LILRB2: variants seen among roughly 807,000 people sequenced by gnomAD.
LILRB2 encodes leukocyte immunoglobulin like receptor B2, also known as leukocyte immunoglobulin-like receptor subfamily B member 2.
In LILRB2, 47 loss-of-function variants were observed where a neutral mutation model predicts 72.7. The observed-to-expected ratio is 0.65, with a 90% CI of 0.51 to 0.82. The LOEUF (loss-of-function observed/expected upper bound fraction) is 0.82. LILRB2 is among the 40% of genes least tolerant of loss of function. The pLI is 0.00. For missense variants in LILRB2, 767 were observed against 764.8 expected (o/e 1.00, Z -0.03); for synonymous variants, 279 against 313.7 (o/e 0.89, Z 1.17).
At position 54,276,092 on chromosome 19, in the gene LILRB2, G is replaced by T. The variant is rs1177891457; in HGVS notation, c.1595-89C>A. On this transcript the variant is annotated intron_variant, in intron 12 of 13. Coordinates refer to ENST00000314446, the MANE Select transcript of LILRB2 (RefSeq NM_001080978.4). ...AGCCCCTGCCCTGCTCCCAGATGGG[G>T]CTACTGAGATGCAGGGAGGGGCTGC... 107 of 1,573,902 alleles carry T rather than the reference G, an allele frequency of 6.8e-5. 1 individual carries two copies. The South Asian group carries it at 9.6e-4, about 14-fold the overall frequency.
chr19:54,277,439 G>T, intron 9 of LILRB2, 111 bp downstream of exon 9: 1 of 1,479,896 alleles, frequency 6.8e-7, no homozygotes, highest in South Asian at 1.2e-5. Flanking sequence ...GGCCCAGGCA[G>T]GGGAGGAGCC....
rs555575148 is a variant in LILRB2 at position 54,277,071 on chromosome 19, C to G, written c.1358-142G>C. The G allele has an allele frequency of 9.4e-3, 14,134 of 1,501,362 alleles. 121 individuals are homozygous for G. The highest frequency in any genetic ancestry group is 9.7e-3 in the Non-Finnish European group (10,666 of 1,104,442). 93.0% of individuals were successfully genotyped at this position (1,501,362 alleles called of 1,614,324 possible). ...CACACAAACATCCACCCCACCCACT[C>G]TACAGATGAAAAACTGACGCTCAGA... is the stretch of plus-strand genomic sequence containing the variant. On this transcript the variant is annotated intron_variant, in intron 9 of 13. Transcript: ENST00000314446.
chr19:54,279,725 G>A (rs2147787490), intron 4 of LILRB2, 66 bp downstream of exon 4: 1 of 1,607,486 alleles, frequency 6.2e-7, no homozygotes, highest in Non-Finnish European at 8.5e-7. Flanking sequence ...GTGAGAGGGA[G>A]ACACCCCTGA....
At chr19:54,275,709 G>A (rs373253508) in intron 13 of LILRB2, 9 of 650,046 alleles carry the variant, frequency 1.4e-5, no homozygotes, top group East Asian at 6.5e-5. Context: ...CCTGGGGAGC[G>A]CTCTAACAAC....
intron 9 of LILRB2, 30 bp from the exon 10 acceptor site, chr19:54,276,959 T>C: frequency 6.2e-7 from 1 of 1,600,730 alleles, no homozygotes; most frequent in South Asian, 1.1e-5. Flanking sequence ...GGGATGGGGG[T>C]GATGTCATTG....
At chr19:54,280,201 A>T (rs1464769922) in intron 3 of LILRB2, 63 bp downstream of exon 3, 4 of 1,613,052 alleles carry the variant, frequency 2.5e-6, no homozygotes, top group Non-Finnish European at 3.4e-6. Context: ...CCCCAGCTGC[A>T]CGGAGGTGGC....
Position 54,277,928 on chromosome 19 carries a change from C to A in LILRB2, c.1270G>T (p.Gly424Cys), listed in dbSNP as rs865925488. 6 of 1,532,860 alleles carry A rather than the reference C, an allele frequency of 3.9e-6. No homozygotes were observed. Among genetic ancestry groups the A allele is most frequent in the Admixed American group, 2.1e-5 (1 of 47,378 alleles). 95.0% of individuals were successfully genotyped at this position (1,532,860 alleles called of 1,614,324 possible). Residue 424 changes from glycine to cysteine, a missense_variant, in exon 8 of 14, where the codon GGT becomes TGT. Gly to Cys is a radical substitution (Grantham distance 159, BLOSUM62 -3). This residue lies in a region of LILRB2 where 599 missense variants were observed against 568.2 expected (regional missense o/e 1.05). Transcript: ENST00000314446. ...GGACCGGTGGGTGGGGGGCTGGAACCCATGGAGGGTCCTGGGTGAAAGAAT... is the reference window on the plus strand; with the variant it reads ...GGACCGGTGGGTGGGGGGCTGGAACACATGGAGGGTCCTGGGTGAAAGAAT... Reference protein sequence around the residue: ...LELVVSGPSMGSSPPPTGPIS... With the variant: ...LELVVSGPSMCSSPPPTGPIS...
intron 9 of LILRB2, 155 bp downstream of exon 9, chr19:54,277,395 G>C: frequency 7.8e-7 from 1 of 1,283,346 alleles, no homozygotes; most frequent in Non-Finnish European, 1.1e-6. Flanking sequence ...TTTCCCACCT[G>C]CAGGCCTCTC....
At position 54,275,487 on chromosome 19, in the gene LILRB2, G is replaced by A. The variant is rs552503664; in HGVS notation, c.1647+464C>T. 2.9e-5 allele frequency: 15 copies of A among 517,316 alleles called. No homozygotes were observed. The East Asian group carries it at 4.4e-4, about 15-fold the overall frequency. 32.0% of individuals were successfully genotyped at this position (517,316 alleles called of 1,614,324 possible). A position where few individuals can be genotyped will look rare whatever the true frequency, so the allele number is the denominator to read the frequency against. ...CCCTGGTGTATGTTCCTTTAAGCAC[G>A]TTGCACTCCTGGACATGGCGCATTT... On this transcript the variant is annotated intron_variant, in intron 13 of 13. Transcript: ENST00000314446.
In LILRB2 at chr19:54,278,407, T is replaced by G; in HGVS notation, c.1111A>C (p.Ile371Leu). The G allele has an allele frequency of 6.2e-7, 1 of 1,614,142 alleles. No homozygotes were observed. The highest frequency in any genetic ancestry group is 8.5e-7 in the Non-Finnish European group (1 of 1,179,994). The stretch of plus-strand genomic sequence containing the variant: ...GCCTGGTACTTAGGATATTCGTGTA[T>G]TGATCTTAGACGGAGTGGGGCATCA... ...AADAPLRLRS[I>L]HEYPKYQAEF... The change falls in exon 7 of 14, where the codon ATA becomes CTA. Residue 371 changes from isoleucine (I) to leucine (L), a missense_variant. Transcript: ENST00000314446.
chr19:54,276,841 G>A lies in LILRB2; in HGVS notation c.1446C>T (p.Leu482=), dbSNP rs1230169782. ...LLLLLLLFLI[L]RHRRQGKHWT... ...AGTGTTTGCCCTGACGTCGATGTCG[G>A]AGGATGAGGAAGAGGAGGAGGAGGA... Residue 482 remains leucine, a synonymous_variant, in exon 10 of 14, where the codon CTC becomes CTT. Coordinates refer to ENST00000314446, the MANE Select transcript of LILRB2 (RefSeq NM_001080978.4). The A allele has an allele frequency of 2.5e-6, 4 of 1,614,018 alleles. No individual in the cohort carries two copies. The highest frequency in any genetic ancestry group is 3.4e-6 in the Non-Finnish European group (4 of 1,179,942).
chr19:54,279,837 G>A lies in LILRB2; in HGVS notation c.309C>T (p.Arg103=), dbSNP rs541426329. The A allele has an allele frequency of 1.5e-5, 24 of 1,614,142 alleles. No homozygotes were observed. The highest frequency in any genetic ancestry group is 6.7e-5 in the Admixed American group (4 of 60,026). ...GGTCACTGAGCTCAGACCACCGAGCGCGGCTGTAATACTGACAGCCATATC... is the reference window on the plus strand; with the variant it reads ...GGTCACTGAGCTCAGACCACCGAGCACGGCTGTAATACTGACAGCCATATC... The part of the protein sequence containing the change: ...TGRYGCQYYS[R]ARWSELSDPL... The change falls in exon 4 of 14, where the codon CGC becomes CGT. Residue 103 remains arginine (R), a synonymous_variant. Transcript: ENST00000314446.
chr19:54,280,172 C>T (rs541474220), intron 3 of LILRB2, 92 bp downstream of exon 3: 1 of 1,612,014 alleles, frequency 6.2e-7, no homozygotes, highest in African/African-American at 1.3e-5. Context: ...TCAGTCAGTC[C>T]AGAACTTCTA....
intron 5 of LILRB2, 26 bp from the exon 6 acceptor site, chr19:54,279,134 A>C (rs1407172337): frequency 1.9e-6 from 3 of 1,600,652 alleles, no homozygotes; most frequent in Admixed American, 3.4e-5. Flanking sequence ...CATGGTTTCC[A>C]GGAGCCGACC....
chr19:54,275,229 T>C, intron 13 of LILRB2: 1 of 968,468 alleles, frequency 1.0e-6, no homozygotes, highest in Non-Finnish European at 1.5e-6. Flanking sequence ...CCTGTGGTTC[T>C]GGCCTCTGCT....
At chr19:54,276,208 G>A (rs774290916) in intron 12 of LILRB2, 56 bp downstream of exon 12, 86 of 1,610,810 alleles carry the variant, frequency 5.3e-5, no homozygotes, top group South Asian at 7.7e-5. Flanking sequence ...CCATTGCTAC[G>A]GAAACTTCGG....
chr19:54,275,865 C>T, intron 13 of LILRB2, 86 bp downstream of exon 13: 2 of 1,530,372 alleles, frequency 1.3e-6, no homozygotes, highest in Non-Finnish European at 1.8e-6. Flanking sequence ...ATGCTGAGAG[C>T]CGGGGGAAGG....
chr19:54,275,915 A>C (rs1437376014), intron 13 of LILRB2, 36 bp downstream of exon 13: 1 of 1,609,372 alleles, frequency 6.2e-7, no homozygotes, highest in Admixed American at 1.7e-5. Flanking sequence ...TGGCACCAGG[A>C]GGCCTTTGGT....
At chr19:54,280,396 A>C (rs1018231377) in intron 2 of LILRB2, 67 bp downstream of exon 2, 23 of 1,613,830 alleles carry the variant, frequency 1.4e-5, no homozygotes, top group Non-Finnish European at 1.9e-5. Flanking sequence ...CTCCTTAGGG[A>C]CCAGAGTTTG....
Sources: allele counts gnomAD v4.1 joint callset, GRCh38; gene constraint gnomAD v4.1.1; regional missense constraint gnomAD v4.1.1; transcripts MANE v1.5; gene names NCBI Gene and HGNC (gene_info 2026-07-23, HGNC 2026-07-21).